Variants in EPB41L1 observed in about 807,000 individuals in gnomAD.
EPB41L1 encodes band 4.1-like protein 1.
In EPB41L1, 29 loss-of-function variants were observed where a neutral mutation model predicts 97.8. The ratio of observed to expected loss-of-function variants is 0.30; its 90% CI spans 0.22 to 0.40. The LOEUF (loss-of-function observed/expected upper bound fraction) is 0.40. Among genes scored for constraint, EPB41L1 ranks in the 10% least tolerant of loss-of-function variants. The probability of loss-of-function intolerance (pLI) is 1.00; values close to 1 mark genes in which losing one functional copy is unlikely to be tolerated. For synonymous variants in EPB41L1, 383 were observed against 459.2 expected (o/e 0.83, Z 2.12); for missense variants, 812 against 1,162.3 (o/e 0.70, Z 4.38).
In EPB41L1 at chr20:36,232,549, G is replaced by A. The variant is rs1488565701; in HGVS notation, c.*3209G>A. 1 of 398,798 alleles carries A rather than the reference G, an allele frequency of 2.5e-6. No individual in the cohort carries two copies. Among genetic ancestry groups the A allele is most frequent in the Non-Finnish European group, 4.4e-6 (1 of 226,070 alleles). 24.7% of individuals were successfully genotyped at this position (398,798 alleles called of 1,614,324 possible). On this transcript the variant is annotated 3_prime_UTR_variant, in exon 22 of 22. Transcript: ENST00000338074. The stretch of plus-strand genomic sequence containing the variant: ...ACAGGAAGTACCAGGACCTGTTTCA[G>A]TTTTTGAATCCTGCAAGCACATTCC...
At chr20:36,118,433 C>G (rs1298840877) in intron 2 of EPB41L1, among the ~76,000 whole-genome samples, 1 of 151,972 alleles carries the variant, frequency 6.6e-6, no homozygotes, top group African/African-American at 2.4e-5. Context: ...GAATATCTTC[C>G]AAGGGGCACC....
At chr20:36,167,697 G>A (rs1167843634) in intron 1 of EPB41L1, among the ~76,000 whole-genome samples, 1 of 151,410 alleles carries the variant, frequency 6.6e-6, no homozygotes, top group East Asian at 1.9e-4. Context: ...CATGGAGTGA[G>A]ACTCCATCTC....
At chr20:36,106,884 C>T (rs915654697) in intron 1 of EPB41L1, among the ~76,000 whole-genome samples, 2 of 151,684 alleles carry the variant, frequency 1.3e-5, no homozygotes, top group African/African-American at 4.8e-5. Flanking sequence ...ATCATTGCAA[C>T]GTCTGCCTCC....
intron 1 of EPB41L1, among the ~76,000 whole-genome samples, chr20:36,163,765 G>T (rs1331001872): frequency 6.6e-6 from 1 of 152,212 alleles, no homozygotes; most frequent in African/African-American, 2.4e-5. Context: ...TCGCAGAGGG[G>T]CTCAGCCACC....
chr20:36,126,093 GA>G (rs1600438705), intron 2 of EPB41L1, among the ~76,000 whole-genome samples: 1 of 152,292 alleles, frequency 6.6e-6, no homozygotes, highest in East Asian at 1.9e-4. Flanking sequence ...ACTTTTCTGG[GA>G]ATTCAGTAGC....
chr20:36,198,858 C>T (rs1569290957), intron 14 of EPB41L1, among the ~76,000 whole-genome samples: 1 of 152,182 alleles, frequency 6.6e-6, no homozygotes, highest in East Asian at 1.9e-4. Flanking sequence ...TGCCTGCCAG[C>T]TGGATGACTT....
chr20:36,114,934 G>A (rs2058538272), intron 2 of EPB41L1, among the ~76,000 whole-genome samples: 1 of 152,092 alleles, frequency 6.6e-6, no homozygotes, highest in Non-Finnish European at 1.5e-5. Context: ...GGCAGACCAC[G>A]AGAACATGCT....
intron 2 of EPB41L1, among the ~76,000 whole-genome samples, chr20:36,146,600 G>A (rs1002591904): frequency 1.3e-5 from 2 of 152,166 alleles, no homozygotes; most frequent in African/African-American, 4.8e-5. Flanking sequence ...GTGATGCAGC[G>A]GCTGGTCTAG....
intron 2 of EPB41L1, among the ~76,000 whole-genome samples, chr20:36,128,896 G>A (rs2059079786): frequency 6.6e-6 from 1 of 152,152 alleles, no homozygotes; most frequent in Non-Finnish European, 1.5e-5. Flanking sequence ...GTTGAAGTCA[G>A]GCATGAGTTG....
At chr20:36,158,431 G>A (rs2060399543) in intron 1 of EPB41L1, among the ~76,000 whole-genome samples, 1 of 152,178 alleles carries the variant, frequency 6.6e-6, no homozygotes, top group South Asian at 2.1e-4. Context: ...GGCACTGAAG[G>A]CCAAGTCGGA....
intron 2 of EPB41L1, among the ~76,000 whole-genome samples, chr20:36,131,754 G>T (rs1474497273): frequency 1.3e-5 from 2 of 152,160 alleles, no homozygotes; most frequent in Non-Finnish European, 2.9e-5. Context: ...TGATGCAGGG[G>T]CAGAGCTGAG....
In EPB41L1 at chr20:36,190,345, G is replaced by A. The variant is rs1249741580; in HGVS notation, c.1095G>A (p.Lys365=). Residue 365 remains lysine, a synonymous_variant, in exon 10 of 22, where the codon AAG becomes AAA. Transcript: ENST00000338074. The surrounding 1 kb of genome is among the most constrained non-coding windows in gnomAD (Gnocchi z 5.8). ...PNHRSAKRLW[K]VCIEHHTFFR... is the part of the protein sequence containing the mutation. The stretch of plus-strand genomic sequence containing the variant: ...ACCGGTCAGCCAAGAGACTGTGGAA[G>A]GTCTGCATCGAGCATCATACATTCT... The A allele has an allele frequency of 1.9e-6, 3 of 1,614,212 alleles. No homozygotes were observed. Among genetic ancestry groups the A allele is most frequent in the Non-Finnish European group, 8.5e-7 (1 of 1,180,050 alleles).
chr20:36,168,126 C>G (rs537905817), intron 1 of EPB41L1, among the ~76,000 whole-genome samples: 2 of 152,264 alleles, frequency 1.3e-5, no homozygotes, highest in Non-Finnish European at 2.9e-5. Context: ...GGTGAGAAGG[C>G]TGCTGAGTGC....
In EPB41L1 at chr20:36,132,704, G is replaced by A. The variant is rs374714291; in HGVS notation, c.-10+20224G>A. Among the ~76,000 whole-genome samples, 100 of 151,672 alleles carry A rather than the reference G, an allele frequency of 6.6e-4. 3 individuals are homozygous for A. Among genetic ancestry groups the A allele is most frequent in the African/African-American group, 2.2e-3 (91 of 41,288 alleles). ...AGGGAGGGCTTGGGGGTCCAGGCCT[G>A]ATATGCTGTGGCCGGGGAGGGGTAT... On this transcript the variant is annotated intron_variant, in intron 2 of 19. Transcript: ENST00000202028.
At chr20:36,108,089 T>A (rs2058260162) in intron 1 of EPB41L1, among the ~76,000 whole-genome samples, 1 of 151,832 alleles carries the variant, frequency 6.6e-6, no homozygotes, top group Non-Finnish European at 1.5e-5. Context: ...ACTTAAGAGA[T>A]CCTCCCACCT....
At chr20:36,182,805 G>A (rs1224203267) in intron 6 of EPB41L1, among the ~76,000 whole-genome samples, 4 of 152,236 alleles carry the variant, frequency 2.6e-5, no homozygotes, top group African/African-American at 9.6e-5. Context: ...CCATGTAAAA[G>A]CTGCTGTGCT....
chr20:36,185,472 T>A, intron 7 of EPB41L1, 137 bp downstream of exon 7: 2 of 801,532 alleles, frequency 2.5e-6, no homozygotes, highest in Non-Finnish European at 4.2e-6. Flanking sequence ...GAGGTATATC[T>A]AAGAGCAAAT....
At chr20:36,134,747 C>A (rs1457114073) in intron 2 of EPB41L1, among the ~76,000 whole-genome samples, 1 of 151,866 alleles carries the variant, frequency 6.6e-6, no homozygotes, top group Admixed American at 6.6e-5. Context: ...CCAAAGGCTG[C>A]ATTGGTCTCA....
chr20:36,214,531 G>C lies in EPB41L1; in HGVS notation c.2268+91G>C. ...AAGCTAACATCGCCTGGCTGCTTCA[G>C]GAAGTTGTGAGCTGCCCTCGCTGCA... is the stretch of plus-strand genomic sequence containing the variant. On this transcript the variant is annotated intron_variant, in intron 17 of 21. Coordinates refer to ENST00000338074, the MANE Select transcript of EPB41L1 (RefSeq NM_012156.2). 4 of 1,105,322 alleles carry C rather than the reference G, an allele frequency of 3.6e-6. No homozygotes were observed. In the South Asian group the frequency reaches 5.3e-5, roughly 15 times the overall value. 68.5% of individuals were successfully genotyped at this position (1,105,322 alleles called of 1,614,324 possible). A position where few individuals can be genotyped will look rare whatever the true frequency, so the allele number is the denominator to read the frequency against.
Sources: allele counts gnomAD v4.1 joint callset (sites outside exome capture counted in the v4.1 genomes callset), GRCh38; gene constraint gnomAD v4.1.1; non-coding constraint Gnocchi (gnomAD v3.1); transcripts MANE v1.5; gene names NCBI Gene and HGNC (gene_info 2026-07-23, HGNC 2026-07-21).